Variants in SACS observed in about 807,000 individuals in gnomAD.
The protein encoded by SACS is sacsin molecular chaperone.
Under a neutral mutation model 348.0 loss-of-function variants are expected in SACS, and 197 were observed. The observed-to-expected ratio is 0.57, with a 90% confidence interval of 0.50 to 0.64. The LOEUF (loss-of-function observed/expected upper bound fraction) is 0.64, where lower values mean the gene tolerates loss of function less well. Ranked by LOEUF, SACS falls within the 30% of genes least tolerant of loss-of-function variation. The pLI, the probability that SACS is intolerant of heterozygous loss-of-function variation, is 0.00. For synonymous variants in SACS, 1,985 were observed against 1,910.6 expected (o/e 1.04, Z -1.02); for missense variants, 4,999 against 5,360.8 (o/e 0.93, Z 2.11).
In SACS at chr13:23,329,963, C is replaced by T; in HGVS notation, c.*173G>A. The T allele has an allele frequency of 1.6e-6, 1 of 642,630 alleles. No homozygotes were observed. Among genetic ancestry groups the T allele is most frequent in the Non-Finnish European group, 2.7e-6 (1 of 373,986 alleles). 39.8% of individuals were successfully genotyped at this position (642,630 alleles called of 1,614,324 possible). ...CTTCAAAATAGTTTTCTTTTAGATTCAGTTAAGGTTTTCCGTTGGTATTCA... is the reference window on the plus strand; with the variant it reads ...CTTCAAAATAGTTTTCTTTTAGATTTAGTTAAGGTTTTCCGTTGGTATTCA... On this transcript the variant is annotated 3_prime_UTR_variant, in exon 10 of 10. Transcript: ENST00000382292.
chr13:23,385,114 C>G (rs1253503560), intron 2 of SACS, among the ~76,000 whole-genome samples: 1 of 151,058 alleles, frequency 6.6e-6, no homozygotes, highest in African/African-American at 2.4e-5. Flanking sequence ...ACAAATACAG[C>G]CTGGGCGACA....
At position 23,355,309 on chromosome 13, in the gene SACS, C is replaced by T. The variant is rs1046962707; in HGVS notation, c.1303G>A (p.Gly435Arg). 1 of 1,614,114 alleles carries T rather than the reference C, an allele frequency of 6.2e-7. No individual in the cohort carries two copies. The highest frequency in any genetic ancestry group is 1.1e-5 in the South Asian group (1 of 91,078). The change falls in exon 8 of 10, where the codon GGA (glycine) becomes AGA (arginine). Residue 435 changes from glycine to arginine, a missense_variant. Gly to Arg is a moderately radical substitution (Grantham distance 125). This residue lies in a region of SACS where 3,156 missense variants were observed against 3,380.1 expected (regional missense o/e 0.93). Coordinates refer to ENST00000382292, the MANE Select transcript of SACS (RefSeq NM_014363.6). ...PLSSRDDEAK[G>R]ATSDFSGKAF... ...TTTCCTGAGAAATCAGACGTTGCTC[C>T]TTTTGCTTCATCATCTCTGCTTGAT...
At chr13:23,351,264 A>G (rs369407436) in intron 9 of SACS, among the ~76,000 whole-genome samples, 1 of 152,258 alleles carries the variant, frequency 6.6e-6, no homozygotes, top group Non-Finnish European at 1.5e-5. Context: ...ACAGATAAAA[A>G]TAAGTGGGAA....
rs1426543789 is a variant in SACS at position 23,333,954 on chromosome 13, G to C, written c.9922C>G (p.His3308Asp). The C allele has an allele frequency of 2.5e-6, 4 of 1,613,854 alleles. No homozygotes were observed. Among genetic ancestry groups the C allele is most frequent in the Non-Finnish European group, 3.4e-6 (4 of 1,179,820 alleles). Reference sequence around the variant, plus strand: ...TGGGCATTTGGAAAAACTGCAATGTGCATAAGGCTGAGAGGAAGCAGAACA... The same window carrying C: ...TGGGCATTTGGAAAAACTGCAATGTCCATAAGGCTGAGAGGAAGCAGAACA... The part of the protein sequence containing the change: ...GDVLLPLSLM[H>D]IAVFPNAQSD... Residue 3308 changes from histidine to aspartate, a missense_variant, in exon 10 of 10, where the codon CAC becomes GAC. Physicochemically the swap from His to Asp is moderately conservative, Grantham distance 81 (BLOSUM62 -1). Transcript: ENST00000382292.
chr13:23,349,814 CA>C (rs2137686568), intron 9 of SACS, among the ~76,000 whole-genome samples: 2 of 152,242 alleles, frequency 1.3e-5, no homozygotes, highest in South Asian at 4.1e-4. Context: ...TGTTCAAAGT[CA>C]CACAATAGAG....
At chr13:23,430,134 G>A (rs1874375677) in intron 1 of SACS, among the ~76,000 whole-genome samples, 1 of 152,078 alleles carries the variant, frequency 6.6e-6, no homozygotes, top group Non-Finnish European at 1.5e-5. Context: ...CTGGAACCCG[G>A]GAAGTGGAGG....
chr13:23,336,611 T>A lies in SACS; in HGVS notation c.7265A>T (p.Gln2422Leu). Reference protein sequence around the residue: ...GTKQITEENFQLCRRIISEGI... With the variant: ...GTKQITEENFLLCRRIISEGI... ...TTCACTGATTATTCGTCGGCAAAGCTGAAAATTCTCTTCTGTTATTTGCTT... is the reference window on the plus strand; with the variant it reads ...TTCACTGATTATTCGTCGGCAAAGCAGAAAATTCTCTTCTGTTATTTGCTT... The change falls in exon 10 of 10, where the codon CAG becomes CTG. Residue 2422 changes from glutamine (Q) to leucine (L), a missense_variant. Around this residue, in one of 6 missense-constraint regions of SACS, gnomAD observed 3,156 missense variants for 3,380.1 expected, o/e 0.93. Transcript: ENST00000382292. 1 of 1,613,776 alleles carries A rather than the reference T, an allele frequency of 6.2e-7. No homozygotes were observed. Among genetic ancestry groups the A allele is most frequent in the Non-Finnish European group, 8.5e-7 (1 of 1,179,796 alleles).
intron 2 of SACS, among the ~76,000 whole-genome samples, chr13:23,392,945 T>G (rs985654611): frequency 6.6e-6 from 1 of 152,120 alleles, no homozygotes; most frequent in Non-Finnish European, 1.5e-5. Context: ...AGTTCATGCA[T>G]AGTCACCTCC....
In SACS at chr13:23,335,685, G is replaced by A. The variant is rs772072343; in HGVS notation, c.8191C>T (p.Arg2731Cys). The change falls in exon 10 of 10, where the codon CGC becomes TGC. Residue 2731 changes from arginine (R) to cysteine (C), a missense_variant. Transcript: ENST00000382292. This position sits in a 1 kb window ranked among gnomAD's most constrained non-coding sequence, Gnocchi z 4.7. Reference sequence around the variant, plus strand: ...ATTAGAAGTTCTGCCCCATCTGAGCGCAGTTTGTCCAAAAGATTCTGGACC... The same window carrying A: ...ATTAGAAGTTCTGCCCCATCTGAGCACAGTTTGTCCAAAAGATTCTGGACC... ...RMVQNLLDKL[R>C]SDGAELLMFL... 25 of 1,613,856 alleles carry A rather than the reference G, an allele frequency of 1.5e-5. No homozygotes were observed. Among genetic ancestry groups the A allele is most frequent in the East Asian group, 4.5e-5 (2 of 44,892 alleles).
At chr13:23,360,805 G>A (rs1055253775) in intron 6 of SACS, among the ~76,000 whole-genome samples, 1 of 148,602 alleles carries the variant, frequency 6.7e-6, no homozygotes, top group African/African-American at 2.5e-5. Context: ...GCCCAGGCTG[G>A]AGTGCAGTGA....
chr13:23,393,941 T>C (rs1320555984), intron 2 of SACS, among the ~76,000 whole-genome samples: 2 of 152,130 alleles, frequency 1.3e-5, no homozygotes, highest in East Asian at 3.9e-4. Flanking sequence ...TTTGTATTTT[T>C]AGTAGAGATG....
intron 6 of SACS, among the ~76,000 whole-genome samples, chr13:23,360,215 T>C (rs1343984006): frequency 6.6e-6 from 1 of 152,134 alleles, no homozygotes; most frequent in Admixed American, 6.5e-5. Flanking sequence ...TTACTGTTAT[T>C]ATAAGCAGTA....
In SACS at chr13:23,365,173, T is replaced by G; in HGVS notation, c.450A>C (p.Pro150=). 1 of 1,606,044 alleles carries G rather than the reference T, an allele frequency of 6.2e-7. No homozygotes were observed. The highest frequency in any genetic ancestry group is 8.5e-7 in the Non-Finnish European group (1 of 1,174,384). ...CTAATTATTGATTCTTACCCTGATATGGCGCCATATCTTTTGACCAAAGAG... is the reference window on the plus strand; with the variant it reads ...CTAATTATTGATTCTTACCCTGATAGGGCGCCATATCTTTTGACCAAAGAG... The part of the protein sequence containing the change: ...TETLWSKDMA[P]YQGPALYVYN... Residue 150 remains proline (P), a synonymous_variant, in exon 6 of 10, where the codon CCA becomes CCC. Coordinates refer to ENST00000382292, the MANE Select transcript of SACS (RefSeq NM_014363.6).
Position 23,358,437 on chromosome 13 carries a change from C to A in SACS, c.502G>T (p.Asp168Tyr). The A allele has an allele frequency of 1.2e-6, 2 of 1,614,156 alleles. No individual in the cohort carries two copies. Among genetic ancestry groups the A allele is most frequent in the Non-Finnish European group, 1.7e-6 (2 of 1,180,026 alleles). The change falls in exon 7 of 10, where the codon GAC becomes TAC. Residue 168 changes from aspartate (D) to tyrosine (Y), a missense_variant. Asp to Tyr is a radical substitution (Grantham distance 160). Transcript: ENST00000382292. ...GCTATTTCTTGAATGCCGTGCCAGT[C>A]CTCTGGGGTGAAAACCGCGTTGTTG... ...VYNNAVFTPEDWHGIQEIARS... is the reference protein window; with the variant it reads ...VYNNAVFTPEYWHGIQEIARS...
At chr13:23,419,178 C>T (rs1873813582) in intron 1 of SACS, 1 of 152,400 alleles carries the variant, frequency 6.6e-6, no homozygotes, top group Non-Finnish European at 1.5e-5. Context: ...GGGCCCGTCC[C>T]TCTGGGGTCA....
chr13:23,391,458 GAA>G lies in SACS; in HGVS notation c.21-16191_21-16190del, dbSNP rs1566098898. ...AGTCCCCACAGGAGCTGGGAGTAAG[GAA>G]GAGAGTACGGTCAGGGAATTCATGC... is the stretch of plus-strand genomic sequence containing the variant. On this transcript the variant is annotated intron_variant, in intron 2 of 9. Transcript: ENST00000382292. Among the ~76,000 whole-genome samples the G allele has an allele frequency of 2.6e-5, 4 of 152,178 alleles. No individual in the cohort carries two copies. The South Asian group carries it at 8.3e-4, about 31-fold the overall frequency.
At chr13:23,431,348 C>T (rs1220687238) in intron 1 of SACS, among the ~76,000 whole-genome samples, 4 of 152,344 alleles carry the variant, frequency 2.6e-5, no homozygotes, top group African/African-American at 9.6e-5. Flanking sequence ...CTTTTCCCAA[C>T]TTCGCTATGT....
chr13:23,333,276 G>A lies in SACS; in HGVS notation c.10600C>T (p.Leu3534=), dbSNP rs1330191597. 5 of 1,603,610 alleles carry A rather than the reference G, an allele frequency of 3.1e-6. No homozygotes were observed. The highest frequency in any genetic ancestry group is 4.2e-6 in the Non-Finnish European group (5 of 1,176,574). Residue 3534 remains leucine, a synonymous_variant, in exon 10 of 10, where the codon CTA becomes TTA. Transcript: ENST00000382292. ...TCATAGAAATGCTTTGCTTGCTTTA[G>A]TCTACTGTTAGCATCATGGATTATC... ...LLIIHDANSR[L]KQAKHFYDRT... is the part of the protein sequence containing the mutation.
At position 23,331,970 on chromosome 13, in the gene SACS, A is replaced by C. The variant is rs756343663; in HGVS notation, c.11906T>G (p.Leu3969Arg). 6.2e-7 allele frequency: 1 copy of C among 1,614,072 alleles called. No homozygotes were observed. Among genetic ancestry groups the C allele is most frequent in the Admixed American group, 1.7e-5 (1 of 60,028 alleles). Residue 3969 changes from leucine (L) to arginine (R), a missense_variant, in exon 10 of 10, where the codon CTT becomes CGT. Around this residue, in one of 6 missense-constraint regions of SACS, gnomAD observed 831 missense variants for 941.8 expected, o/e 0.88. Transcript: ENST00000382292. ...TATACTGCTCAATAATCGAGGTCTAAGTTTTTGAGGAAAGAGCATTATCAA... is the reference window on the plus strand; with the variant it reads ...TATACTGCTCAATAATCGAGGTCTACGTTTTTGAGGAAAGAGCATTATCAA... Reference protein sequence around the residue: ...TKLIMLFPQKLRPRLLSSILE... With the variant: ...TKLIMLFPQKRRPRLLSSILE...
Sources: gnomAD v4.1 joint callset for allele counts (sites outside exome capture counted in the v4.1 genomes callset) on GRCh38, gnomAD v4.1.1 for gene constraint, gnomAD v4.1.1 regional missense constraint, Gnocchi (gnomAD v3.1) non-coding constraint, MANE v1.5 for transcripts, NCBI Gene and HGNC (gene_info 2026-07-23, HGNC 2026-07-21) for gene names.